Variants in SESTD1 observed in about 807,000 individuals in gnomAD.
SESTD1 encodes the protein SEC14 and spectrin domain containing 1, also known as SEC14 domain and spectrin repeat-containing protein 1.
Under a neutral mutation model 101.7 loss-of-function variants are expected in SESTD1, and 43 were observed. That is an observed-to-expected ratio of 0.42 (90% CI 0.33 to 0.55). The LOEUF is 0.55. Among genes scored for constraint, SESTD1 ranks in the 20% least tolerant of loss-of-function variants. The pLI is 0.07. For synonymous variants in SESTD1, 283 were observed against 286.8 expected (o/e 0.99, Z 0.13); for missense variants, 647 against 815.1 (o/e 0.79, Z 2.51).
In SESTD1 at chr2:179,183,138, C is replaced by G. The variant is rs1317723084; in HGVS notation, c.106G>C (p.Glu36Gln). The change falls in exon 3 of 18, where the codon GAA becomes CAA. Residue 36 changes from glutamate (E) to glutamine (Q), a missense_variant. Physicochemically the swap from Glu to Gln is conservative, Grantham distance 29. Transcript: ENST00000428443. The stretch of plus-strand genomic sequence containing the variant: ...CTCAGCTCATCCATATTTGTCTGTT[C>G]GAGGCATAATGGAATTGTCAAAATG... ...GLILTIPLCL[E>Q]QTNMDELSVT... is the part of the protein sequence containing the mutation. 6.2e-7 allele frequency: 1 copy of G among 1,611,704 alleles called. No homozygotes were observed. Among genetic ancestry groups the G allele is most frequent in the African/African-American group, 1.3e-5 (1 of 74,744 alleles).
intron 13 of SESTD1, among the ~76,000 whole-genome samples, chr2:179,120,204 A>G (rs1194260088): frequency 6.6e-6 from 1 of 151,816 alleles, no homozygotes; most frequent in Non-Finnish European, 1.5e-5. Context: ...ACTCCAGCCT[A>G]GTGACAGAGC....
At chr2:179,129,384 T>C (rs1484756488) in intron 10 of SESTD1, among the ~76,000 whole-genome samples, 2 of 152,174 alleles carry the variant, frequency 1.3e-5, no homozygotes, top group Non-Finnish European at 2.9e-5. Context: ...TGTACCTTAT[T>C]TTTTTTGTTG....
At chr2:179,180,397 G>T (rs1270038886) in intron 3 of SESTD1, among the ~76,000 whole-genome samples, 3 of 152,154 alleles carry the variant, frequency 2.0e-5, no homozygotes, top group African/African-American at 4.8e-5. Context: ...CACTGCTGGA[G>T]ATGTTGGCAG....
intron 5 of SESTD1, among the ~76,000 whole-genome samples, chr2:179,155,757 T>C (rs1454690503): frequency 6.6e-6 from 1 of 152,210 alleles, no homozygotes; most frequent in Non-Finnish European, 1.5e-5. Flanking sequence ...TAATTTTCCA[T>C]AGGTTACTGG....
chr2:179,130,688 T>C (rs958791792), intron 10 of SESTD1, among the ~76,000 whole-genome samples: 1 of 152,050 alleles, frequency 6.6e-6, no homozygotes, highest in African/African-American at 2.4e-5. Flanking sequence ...GTGTCCTTCC[T>C]AAAAAGAACT....
chr2:179,250,609 C>T (rs1367657311), intron 1 of SESTD1, among the ~76,000 whole-genome samples: 1 of 152,126 alleles, frequency 6.6e-6, no homozygotes, highest in Non-Finnish European at 1.5e-5. Flanking sequence ...GCACATATCC[C>T]TGGTGTCTGT....
rs755452147 is a variant in SESTD1 at position 179,108,136 on chromosome 2, A to C, written c.*1763T>G. The C allele has an allele frequency of 1.3e-5, 2 of 152,176 alleles. No individual in the cohort carries two copies. The highest frequency in any genetic ancestry group is 2.4e-5 in the African/African-American group (1 of 41,448). The allele number at this position is 152,176 out of a possible 1,614,324, so 9.4% of individuals were successfully genotyped here. ...CAATTAAAAAGAAGTACAAGTCTAGATTTCTGGACCAGGTATGTAATCCAG... is the reference window on the plus strand; with the variant it reads ...CAATTAAAAAGAAGTACAAGTCTAGCTTTCTGGACCAGGTATGTAATCCAG... On this transcript the variant is annotated 3_prime_UTR_variant, in exon 18 of 18. Coordinates refer to ENST00000428443, the MANE Select transcript of SESTD1 (RefSeq NM_178123.5).
intron 1 of SESTD1, among the ~76,000 whole-genome samples, chr2:179,234,115 A>C (rs1483679261): frequency 6.6e-6 from 1 of 152,166 alleles, no homozygotes; most frequent in African/African-American, 2.4e-5. Context: ...GAACAAAAAG[A>C]CTGACTCTCA....
chr2:179,123,856 A>ACC (rs2044808477), intron 11 of SESTD1, 27 bp from the exon 12 acceptor site: 1 of 1,515,298 alleles, frequency 6.6e-7, no homozygotes, highest in Non-Finnish European at 9.2e-7. Flanking sequence ...CCAAAGAGAT[A>ACC]ACCCTGATGT....
chr2:179,221,379 G>A (rs560228029), intron 1 of SESTD1, among the ~76,000 whole-genome samples: 4 of 151,716 alleles, frequency 2.6e-5, no homozygotes, highest in Admixed American at 6.6e-5. Context: ...TTGGGAGGCC[G>A]AGGCAGGTGG....
rs199934652 is a variant in SESTD1 at position 179,146,457 on chromosome 2, C to T, written c.582G>A (p.Arg194=). The T allele has an allele frequency of 1.2e-6, 2 of 1,612,206 alleles. No individual in the cohort carries two copies. Among genetic ancestry groups the T allele is most frequent in the East Asian group, 2.2e-5 (1 of 44,764 alleles). The change falls in exon 8 of 18, where the codon AGG becomes AGA. Residue 194 remains arginine, a splice_region_variant and synonymous_variant. Transcript: ENST00000428443. ...SDKGNQQEKE[R]SVDLNFLPSV... ...ATGGAAGAAAGTTTAAATCCACAGA[C>T]CTGGAAAACACCAAAGGAGTAATTT...
At chr2:179,115,415 A>G (rs536343422) in intron 15 of SESTD1, among the ~76,000 whole-genome samples, 159 bp from the exon 16 acceptor site, 1 of 152,230 alleles carries the variant, frequency 6.6e-6, no homozygotes, top group South Asian at 2.1e-4. Context: ...ATCTGTGTGT[A>G]TAAGTAATAA....
chr2:179,136,486 C>T (rs2045148019), intron 9 of SESTD1, among the ~76,000 whole-genome samples: 1 of 152,130 alleles, frequency 6.6e-6, no homozygotes, highest in African/African-American at 2.4e-5. Flanking sequence ...CATTTTAGAA[C>T]AATTTTCCAT....
intron 5 of SESTD1, among the ~76,000 whole-genome samples, chr2:179,171,836 G>A (rs114228493): frequency 0.041 from 6,263 of 151,986 alleles, 157 homozygotes; most frequent in Middle Eastern, 0.099. Context: ...TCTCCATAAT[G>A]CAATAAAAAA....
At chr2:179,202,408 A>G (rs80250145) in intron 1 of SESTD1, among the ~76,000 whole-genome samples, 1,736 of 134,192 alleles carry the variant, frequency 0.013, 309 homozygotes, top group East Asian at 0.074. Flanking sequence ...TTTCAACTTT[A>G]AGTCAAAAAA....
At chr2:179,121,642 A>G (rs1459760178) in intron 13 of SESTD1, 128 bp downstream of exon 13, 2 of 673,306 alleles carry the variant, frequency 3.0e-6, no homozygotes, top group East Asian at 3.5e-5. Context: ...CACATTCACC[A>G]AAAACCTACT....
At chr2:179,126,352 A>T (rs549245333) in intron 10 of SESTD1, among the ~76,000 whole-genome samples, 2 of 152,278 alleles carry the variant, frequency 1.3e-5, no homozygotes, top group African/African-American at 4.8e-5. Context: ...CATTTGGCAC[A>T]AGTAAGCACT....
intron 1 of SESTD1, among the ~76,000 whole-genome samples, chr2:179,231,862 A>C (rs78151605): frequency 0.027 from 4,065 of 152,210 alleles, 97 homozygotes; most frequent in Non-Finnish European, 0.041. Flanking sequence ...TGACACAGAG[A>C]AACACTGTTT....
intron 5 of SESTD1, among the ~76,000 whole-genome samples, chr2:179,169,203 C>T (rs1164177465): frequency 1.3e-5 from 2 of 151,742 alleles, no homozygotes; most frequent in Non-Finnish European, 1.5e-5. Flanking sequence ...ATGGTGTCTA[C>T]AAAAAATTCA....
Sources: gnomAD v4.1 joint callset for allele counts (sites outside exome capture counted in the v4.1 genomes callset) on GRCh38, gnomAD v4.1.1 for gene constraint, MANE v1.5 for transcripts, NCBI Gene and HGNC (gene_info 2026-07-23, HGNC 2026-07-21) for gene names.